GRIA4: variants seen among roughly 807,000 people sequenced by gnomAD.
The protein encoded by GRIA4 is glutamate ionotropic receptor AMPA type subunit 4.
Under a neutral mutation model 104.0 loss-of-function variants are expected in GRIA4, and 34 were observed. That is an observed-to-expected ratio of 0.33 (90% CI 0.25 to 0.44). The LOEUF is 0.44. Ranked by LOEUF, GRIA4 falls within the 20% of genes least tolerant of loss-of-function variation. The pLI is 1.00. For missense variants in GRIA4, 750 were observed against 1,096.5 expected, an observed-to-expected ratio of 0.68 and a Z score of 4.46; for synonymous variants, 386 against 381.9, an observed-to-expected ratio of 1.01 and a Z score of -0.13.
intron 4 of GRIA4, among the ~76,000 whole-genome samples, chr11:105,806,545 C>T (rs1025431314): frequency 1.3e-5 from 2 of 151,832 alleles, no homozygotes; most frequent in African/African-American, 4.8e-5. Flanking sequence ...CTGTACAAAT[C>T]TGAGTGTTTA....
At chr11:105,820,776 AG>A (rs1943548258) in intron 4 of GRIA4, among the ~76,000 whole-genome samples, 1 of 152,168 alleles carries the variant, frequency 6.6e-6, no homozygotes, top group Admixed American at 6.6e-5. Context: ...AGACAGGGTC[AG>A]AAATGTAATA....
intron 6 of GRIA4, among the ~76,000 whole-genome samples, chr11:105,895,530 T>C (rs1169195321): frequency 6.6e-6 from 1 of 151,108 alleles, no homozygotes; most frequent in Non-Finnish European, 1.5e-5. Context: ...AATAGATACA[T>C]GATAGATAAT....
At chr11:105,689,863 G>C (rs894041407) in intron 3 of GRIA4, among the ~76,000 whole-genome samples, 13 of 152,210 alleles carry the variant, frequency 8.5e-5, no homozygotes, top group Admixed American at 6.5e-4. Context: ...TTGCAGTGCA[G>C]AGCTTTGTGA....
At chr11:105,683,800 G>A (rs1009753423) in intron 3 of GRIA4, among the ~76,000 whole-genome samples, 1 of 152,028 alleles carries the variant, frequency 6.6e-6, no homozygotes, top group Non-Finnish European at 1.5e-5. Flanking sequence ...GCAAAGCAGA[G>A]AGAAATGAAG....
chr11:105,912,199 T>G (rs1167418351), intron 10 of GRIA4: 1 of 1,000,392 alleles, frequency 1.0e-6, no homozygotes, highest in Non-Finnish European at 1.2e-6. Context: ...ATGTAAATGA[T>G]GGAATTATAT....
chr11:105,831,889 C>T (rs1943989660), intron 4 of GRIA4, among the ~76,000 whole-genome samples: 1 of 151,976 alleles, frequency 6.6e-6, no homozygotes, highest in Non-Finnish European at 1.5e-5. Flanking sequence ...CCACCATATC[C>T]CTGGCTCTGT....
rs539674352 is a variant in GRIA4, at chr11:105,717,975, T to G, written c.248-35006T>G. On this transcript the variant is annotated intron_variant, in intron 3 of 16. Coordinates refer to ENST00000282499, the MANE Select transcript of GRIA4 (RefSeq NM_000829.4). ...TTGGAAATCATCATTCTCAGTAAACTATGCAAGAACAAAAAACCAAACACC... is the reference window on the plus strand; with the variant it reads ...TTGGAAATCATCATTCTCAGTAAACGATGCAAGAACAAAAAACCAAACACC... Among the ~76,000 whole-genome samples, 22 of 150,014 alleles carry G rather than the reference T, an allele frequency of 1.5e-4. No individual in the cohort carries two copies. In the South Asian group the frequency reaches 1.5e-3, roughly 10 times the overall value.
chr11:105,981,592 A>AAACAC lies in GRIA4; in HGVS notation c.*1853_*1854insAACAC, dbSNP rs765255898. 1 of 46,110 alleles carries AAACAC rather than the reference A, an allele frequency of 2.2e-5. No individual in the cohort carries two copies. Among genetic ancestry groups the AAACAC allele is most frequent in the Non-Finnish European group, 5.1e-5 (1 of 19,440 alleles). The allele number at this position is 46,110 out of a possible 1,614,324, so 2.9% of individuals were successfully genotyped here. ...ACACACACACACACACACACACACAAGTCCCTCAGGAAAAATTCCAAGCTC... is the reference window on the plus strand; with the variant it reads ...ACACACACACACACACACACACACAAAACACGTCCCTCAGGAAAAATTCCAAGCTC... On this transcript the variant is annotated 3_prime_UTR_variant, in exon 17 of 17. Transcript: ENST00000282499.
chr11:105,975,543 G>A (rs920680283), intron 16 of GRIA4, among the ~76,000 whole-genome samples: 10 of 151,788 alleles, frequency 6.6e-5, no homozygotes, highest in African/African-American at 2.4e-4. Flanking sequence ...AGATCTGAAA[G>A]GATTTGTTAT....
intron 3 of GRIA4, chr11:105,614,564 CTGTT>C (rs1195650321): frequency 6.6e-6 from 1 of 151,802 alleles, no homozygotes; most frequent in Non-Finnish European, 1.5e-5. Context: ...AACTTTAAGT[CTGTT>C]TATTTAGAAT....
intron 3 of GRIA4, among the ~76,000 whole-genome samples, chr11:105,717,489 C>A (rs1262342): frequency 1 from 152,145 of 152,146 alleles, 76,072 homozygotes; most frequent in Non-Finnish European, 1. Flanking sequence ...TAATTAATCC[C>A]ATGATATATG....
intron 14 of GRIA4, among the ~76,000 whole-genome samples, chr11:105,941,250 A>G (rs1019389508): frequency 7.2e-5 from 11 of 152,174 alleles, no homozygotes; most frequent in African/African-American, 2.2e-4. Context: ...TTATGATTGA[A>G]TGTAGTTTCT....
chr11:105,688,658 G>A (rs1378715777), intron 3 of GRIA4, among the ~76,000 whole-genome samples: 6 of 152,156 alleles, frequency 3.9e-5, no homozygotes, highest in Non-Finnish European at 8.8e-5. Context: ...ATATGCAACA[G>A]AATTGTGTTA....
chr11:105,662,007 T>TGTTTGTGTG (rs1952027440), intron 3 of GRIA4, among the ~76,000 whole-genome samples: 5 of 149,852 alleles, frequency 3.3e-5, no homozygotes, highest in Non-Finnish European at 7.4e-5. Context: ...GTGTGTGTGT[T>TGTTTGTGTG]TGTGTGTGTG....
chr11:105,724,911 G>C (rs1591144861), intron 3 of GRIA4, among the ~76,000 whole-genome samples: 1 of 151,996 alleles, frequency 6.6e-6, no homozygotes, highest in Non-Finnish European at 1.5e-5. Context: ...TTACATTGTT[G>C]TTACCAAAAT....
At position 105,622,841 on chromosome 11, in the gene GRIA4, C is replaced by A. The variant is rs185379709; in HGVS notation, c.247+10407C>A. On this transcript the variant is annotated intron_variant, in intron 3 of 16. Transcript: ENST00000282499. ...TTATCATCATCCACCCTCCTCTAAC[C>A]CCCCCATTATTCAGAGTCTACAATG... Among the ~76,000 whole-genome samples the A allele has an allele frequency of 5.2e-3, 766 of 148,614 alleles. 10 individuals are homozygous for A. Among genetic ancestry groups the A allele is most frequent in the African/African-American group, 0.017 (714 of 40,854 alleles).
At chr11:105,817,239 AACTT>A in intron 4 of GRIA4, among the ~76,000 whole-genome samples, 1 of 151,464 alleles carries the variant, frequency 6.6e-6, no homozygotes, top group East Asian at 1.9e-4. Context: ...ATTTTTCTCA[AACTT>A]ACTCAGTGAA....
chr11:105,971,096 T>C (rs1004191985), intron 14 of GRIA4, among the ~76,000 whole-genome samples: 3 of 152,166 alleles, frequency 2.0e-5, no homozygotes, highest in African/African-American at 7.2e-5. Context: ...CCTGTCTGTC[T>C]TTTTTTGTTG....
At chr11:105,730,540 A>G (rs914437000) in intron 3 of GRIA4, among the ~76,000 whole-genome samples, 6 of 152,178 alleles carry the variant, frequency 3.9e-5, no homozygotes, top group African/African-American at 1.4e-4. Flanking sequence ...TAAATTTCAT[A>G]TGGAACCGAA....
Sources: gnomAD v4.1 joint callset for allele counts (sites outside exome capture counted in the v4.1 genomes callset) on GRCh38, gnomAD v4.1.1 for gene constraint, MANE v1.5 for transcripts, NCBI Gene and HGNC (gene_info 2026-07-23, HGNC 2026-07-21) for gene names.